LYN: variants seen among roughly 807,000 people sequenced by gnomAD.
The protein encoded by LYN is tyrosine-protein kinase Lyn.
Under a neutral mutation model 65.0 loss-of-function variants are expected in LYN, and 12 were observed. The ratio of observed to expected loss-of-function variants is 0.18; its 90% CI spans 0.12 to 0.30. The LOEUF (loss-of-function observed/expected upper bound fraction) is 0.30, where lower values mean the gene tolerates loss of function less well. Among genes scored for constraint, LYN ranks in the 10% least tolerant of loss-of-function variants. The pLI, the probability that LYN is intolerant of heterozygous loss-of-function variation, is 1.00. For synonymous variants in LYN, 222 were observed against 221.2 expected, an observed-to-expected ratio of 1.00 and a Z score of -0.03; for missense variants, 380 against 623.2, an observed-to-expected ratio of 0.61 and a Z score of 4.16.
intron 10 of LYN, among the ~76,000 whole-genome samples, chr8:55,975,111 G>C (rs935731370): frequency 6.6e-6 from 1 of 152,154 alleles, no homozygotes; most frequent in Non-Finnish European, 1.5e-5. Flanking sequence ...ATCTGAGCCG[G>C]GTGCCGCTGT....
intron 1 of LYN, among the ~76,000 whole-genome samples, chr8:55,909,713 A>T (rs1043725918): frequency 2.0e-5 from 3 of 152,136 alleles, no homozygotes; most frequent in African/African-American, 7.2e-5. Flanking sequence ...TTGTATTCCC[A>T]CCAATAGTGT....
At chr8:55,980,089 A>C (rs898076676) in intron 10 of LYN, among the ~76,000 whole-genome samples, 36 of 152,332 alleles carry the variant, frequency 2.4e-4, no homozygotes, top group African/African-American at 8.4e-4. Context: ...GGTCCCCCTG[A>C]GCCATGGCTT....
Position 55,947,662 on chromosome 8 carries a change from G to C in LYN, c.223G>C (p.Asp75His), listed in dbSNP as rs768019017. Reference sequence around the variant, plus strand: ...CATTGTGGTAGCCTTGTACCCCTATGATGGCATCCACCCGGACGACTTGTC... The same window carrying C: ...CATTGTGGTAGCCTTGTACCCCTATCATGGCATCCACCCGGACGACTTGTC... ...GDIVVALYPY[D>H]GIHPDDLSFK... Residue 75 changes from aspartate (D) to histidine (H), a missense_variant, in exon 4 of 13, where the codon GAT becomes CAT. Around this residue, in one of 2 missense-constraint regions of LYN, gnomAD observed 157 missense variants for 193.2 expected, o/e 0.81. Transcript: ENST00000519728. 1 of 1,614,036 alleles carries C rather than the reference G, an allele frequency of 6.2e-7. No homozygotes were observed. Among genetic ancestry groups the C allele is most frequent in the Non-Finnish European group, 8.5e-7 (1 of 1,179,916 alleles).
At chr8:55,995,781 G>A (rs1420560771) in intron 10 of LYN, among the ~76,000 whole-genome samples, 1 of 152,176 alleles carries the variant, frequency 6.6e-6, no homozygotes, top group Non-Finnish European at 1.5e-5. Context: ...CTGAGCCGGG[G>A]CCGGGTCATA....
rs539651132 is a variant in LYN at position 55,982,451 on chromosome 8, A to G, written c.1050+12658A>G. On this transcript the variant is annotated intron_variant, in intron 10 of 12. Transcript: ENST00000519728. ...ACCTGTAGTATTGTCAATGGAACCA[A>G]TGGTGTGCTGAGGTATTTTTGATGC... 2.0e-5 allele frequency among the ~76,000 whole-genome samples: 3 copies of G among 152,222 alleles called. No homozygotes were observed. The East Asian group carries it at 5.8e-4, about 29-fold the overall frequency.
At chr8:55,981,536 T>C (rs1585663435) in intron 10 of LYN, among the ~76,000 whole-genome samples, 2 of 152,306 alleles carry the variant, frequency 1.3e-5, no homozygotes, top group South Asian at 2.1e-4. Flanking sequence ...TTTTTTTTAA[T>C]ATAGAGATAG....
At chr8:56,005,956 G>A (rs776106617) in intron 12 of LYN, among the ~76,000 whole-genome samples, 2 of 152,026 alleles carry the variant, frequency 1.3e-5, no homozygotes, top group African/African-American at 4.8e-5. Flanking sequence ...ATGGTGGTAC[G>A]CACCTGTAGT....
At chr8:55,886,528 A>G (rs1475642886) in intron 1 of LYN, among the ~76,000 whole-genome samples, 1 of 152,236 alleles carries the variant, frequency 6.6e-6, no homozygotes, top group African/African-American at 2.4e-5. Context: ...GATTACAGGC[A>G]TGAGCCACGC....
At chr8:55,987,779 A>G (rs1808122854) in intron 10 of LYN, among the ~76,000 whole-genome samples, 2 of 152,232 alleles carry the variant, frequency 1.3e-5, no homozygotes, top group Admixed American at 6.5e-5. Flanking sequence ...CAGACTCTTA[A>G]GCCTGGACCA....
At chr8:55,988,792 A>G (rs767868867) in intron 10 of LYN, among the ~76,000 whole-genome samples, 1 of 152,078 alleles carries the variant, frequency 6.6e-6, no homozygotes, top group African/African-American at 2.4e-5. Flanking sequence ...TTTGCTTGAG[A>G]GATCACATTC....
chr8:55,905,020 T>C (rs1225964505), intron 1 of LYN, among the ~76,000 whole-genome samples: 1 of 152,192 alleles, frequency 6.6e-6, no homozygotes, highest in African/African-American at 2.4e-5. Context: ...AGCATCAGTA[T>C]TTTTTAGAGT....
chr8:56,005,999 C>T (rs1808661913), intron 12 of LYN, among the ~76,000 whole-genome samples: 1 of 152,022 alleles, frequency 6.6e-6, no homozygotes, highest in Non-Finnish European at 1.5e-5. Context: ...GTGGGAGGAT[C>T]ACCGAGCCCA....
At chr8:55,999,674 G>T (rs1401866403) in intron 12 of LYN, 125 bp downstream of exon 12, 2 of 1,042,460 alleles carry the variant, frequency 1.9e-6, no homozygotes, top group African/African-American at 3.2e-5. Flanking sequence ...CTTTGAGCCA[G>T]AACTTGATTT....
At chr8:55,951,200 G>A (rs981744349) in intron 6 of LYN, among the ~76,000 whole-genome samples, 16 of 151,904 alleles carry the variant, frequency 1.1e-4, no homozygotes, top group African/African-American at 3.9e-4. Flanking sequence ...CCGTGATCAC[G>A]CCACTGCACT....
chr8:55,987,211 G>A (rs759491091), intron 10 of LYN, among the ~76,000 whole-genome samples: 1 of 151,988 alleles, frequency 6.6e-6, no homozygotes, highest in Non-Finnish European at 1.5e-5. Context: ...TCAGGAGTTC[G>A]AGACCACACT....
At chr8:56,004,768 G>A (rs1011150110) in intron 12 of LYN, among the ~76,000 whole-genome samples, 1 of 151,900 alleles carries the variant, frequency 6.6e-6, no homozygotes, top group Non-Finnish European at 1.5e-5. Context: ...ATAAGGATAT[G>A]GCCACATACT....
In LYN at chr8:56,003,055, G is replaced by GTTT. The variant is rs1158928613; in HGVS notation, c.1336+3510_1336+3512dup. On this transcript the variant is annotated intron_variant, in intron 12 of 12. Coordinates refer to ENST00000519728, the MANE Select transcript of LYN (RefSeq NM_002350.4). ...GCAGTAAACTGCTGGCTATGTTTTT[G>GTTT]TTTTTTGTTTTTTTTTTTTTTTGAG... 8.1e-5 allele frequency among the ~76,000 whole-genome samples: 12 copies of GTTT among 147,386 alleles called. 1 individual carries two copies. The highest frequency in any genetic ancestry group is 2.8e-4 in the African/African-American group (11 of 39,684).
chr8:55,894,801 C>T (rs1394573643), intron 1 of LYN, among the ~76,000 whole-genome samples: 1 of 152,076 alleles, frequency 6.6e-6, no homozygotes, highest in Admixed American at 6.6e-5. Flanking sequence ...TCCCAAAGTT[C>T]TGGGATTACA....
chr8:55,955,923 T>C (rs1469767342), intron 8 of LYN, among the ~76,000 whole-genome samples: 3 of 152,258 alleles, frequency 2.0e-5, no homozygotes, highest in African/African-American at 7.2e-5. Flanking sequence ...ACTTATCCAT[T>C]GGTGGACCTT....
Sources: allele counts gnomAD v4.1 joint callset (sites outside exome capture counted in the v4.1 genomes callset), GRCh38; gene constraint gnomAD v4.1.1; regional missense constraint gnomAD v4.1.1; transcripts MANE v1.5; gene names NCBI Gene and HGNC (gene_info 2026-07-23, HGNC 2026-07-21).